INPP4A: variants seen among roughly 807,000 people sequenced by gnomAD.
INPP4A encodes the protein inositol polyphosphate-4-phosphatase, type I, 107kD.
A neutral mutation model predicts 119.8 loss-of-function variants in INPP4A; 33 were observed. The ratio of observed to expected loss-of-function variants is 0.28; its 90% confidence interval spans 0.21 to 0.37. The LOEUF (loss-of-function observed/expected upper bound fraction) is 0.37. Ranked by LOEUF, INPP4A falls within the 10% of genes least tolerant of loss-of-function variation. The probability of loss-of-function intolerance (pLI) is 1.00; values close to 1 mark genes in which losing one functional copy is unlikely to be tolerated. For synonymous variants in INPP4A, 496 were observed against 500.7 expected, an observed-to-expected ratio of 0.99 and a Z score of 0.12; for missense variants, 956 against 1,289.9, an observed-to-expected ratio of 0.74 and a Z score of 3.97.
chr2:98,487,755 A>G (rs1266000256), intron 1 of INPP4A, among the ~76,000 whole-genome samples: 1 of 152,212 alleles, frequency 6.6e-6, no homozygotes, highest in African/African-American at 2.4e-5. Flanking sequence ...CAGAAATGTT[A>G]CCCATTGTTT....
chr2:98,578,031 G>A lies in INPP4A; in HGVS notation c.2786+888G>A, dbSNP rs144076789. On this transcript the variant is annotated intron_variant, in intron 24 of 24. Coordinates refer to ENST00000409851, the MANE Select transcript of INPP4A (RefSeq NM_001134225.2). ...TCTCACAATACTGCACAAAAGCGAC[G>A]CGTGAGCTCCTGCCTCTTGATAAGT... Among the ~76,000 whole-genome samples, 1,356 of 152,246 alleles carry A rather than the reference G, an allele frequency of 8.9e-3. 24 individuals are homozygous for A. Among genetic ancestry groups the A allele is most frequent in the African/African-American group, 0.031 (1,272 of 41,516 alleles).
chr2:98,478,305 G>A (rs1677678262), intron 1 of INPP4A, among the ~76,000 whole-genome samples: 1 of 152,206 alleles, frequency 6.6e-6, no homozygotes, highest in Admixed American at 6.5e-5. Context: ...TGATGAGGGA[G>A]GTGGCCACCA....
At position 98,590,008 on chromosome 2, in the gene INPP4A, CTTTA is replaced by C. The variant is rs1365709249; in HGVS notation, c.*2408_*2411del. ...TGCCAAGCTTAGTGCATTATGATAC[CTTTA>C]TTTATTTGTTTTGGGCAGTATTACT... On this transcript the variant is annotated 3_prime_UTR_variant, in exon 25 of 25. Coordinates refer to ENST00000409851, the MANE Select transcript of INPP4A (RefSeq NM_001134225.2). 3.7e-5 allele frequency: 7 copies of C among 190,574 alleles called. No individual in the cohort carries two copies. The highest frequency in any genetic ancestry group is 7.0e-5 in the African/African-American group (3 of 42,812). 11.8% of individuals were successfully genotyped at this position (190,574 alleles called of 1,614,324 possible). A position where few individuals can be genotyped will look rare whatever the true frequency, so the allele number is the denominator to read the frequency against.
intron 24 of INPP4A, among the ~76,000 whole-genome samples, chr2:98,578,027 C>T (rs1017567360): frequency 4.6e-5 from 7 of 152,142 alleles, no homozygotes; most frequent in Admixed American, 6.5e-5. Flanking sequence ...TGCACAAAAG[C>T]GACGCGTGAG....
At chr2:98,567,886 C>G (rs543479334) in intron 21 of INPP4A, among the ~76,000 whole-genome samples, 3 of 152,118 alleles carry the variant, frequency 2.0e-5, no homozygotes, top group African/African-American at 7.2e-5. Flanking sequence ...GGGATGCTCT[C>G]GGGCCACAGA....
chr2:98,533,913 C>T (rs1298408472), intron 5 of INPP4A, among the ~76,000 whole-genome samples: 1 of 152,126 alleles, frequency 6.6e-6, no homozygotes, highest in Non-Finnish European at 1.5e-5. Context: ...GTTTTTACAG[C>T]CTTTTGAGTT....
rs1692502052 is a variant in INPP4A at position 98,546,446 on chromosome 2, G to A, written c.1055-140G>A. ...CTCCAGCAGACCCTTGGGCAGCCAG[G>A]GCTGTGGGATCAGGGGAACCAAAGG... is the stretch of plus-strand genomic sequence containing the variant. On this transcript the variant is annotated intron_variant, in intron 12 of 24. Transcript: ENST00000409851. The surrounding 1 kb of genome is among the most constrained non-coding windows in gnomAD (Gnocchi z 4.2). The A allele has an allele frequency of 1.6e-6, 1 of 626,872 alleles. No homozygotes were observed. Among genetic ancestry groups the A allele is most frequent in the Non-Finnish European group, 2.8e-6 (1 of 351,374 alleles). The allele number at this position is 626,872 out of a possible 1,614,324, so 38.8% of individuals were successfully genotyped here. A position where few individuals can be genotyped will look rare whatever the true frequency, so the allele number is the denominator to read the frequency against.
rs111786976 is a variant in INPP4A at position 98,564,225 on chromosome 2, G to A, written c.2029-415G>A. The stretch of plus-strand genomic sequence containing the variant: ...TCATCCCATAGAAAATCTCCCACTG[G>A]GGAAACTTTGAGTGACCATGTTGTC... On this transcript the variant is annotated intron_variant, in intron 18 of 24. Coordinates refer to ENST00000409851, the MANE Select transcript of INPP4A (RefSeq NM_001134225.2). 4.8e-3 allele frequency among the ~76,000 whole-genome samples: 728 copies of A among 152,268 alleles called. 6 individuals carry two copies. The highest frequency in any genetic ancestry group is 0.017 in the African/African-American group (697 of 41,548).
At chr2:98,520,753 T>G (rs1687025576) in intron 4 of INPP4A, 22 bp downstream of exon 4, 1 of 1,365,550 alleles carries the variant, frequency 7.3e-7, no homozygotes, top group Non-Finnish European at 1.0e-6. Flanking sequence ...TCATTATTTT[T>G]TTGTTTTAAA....
At position 98,520,142 on chromosome 2, in the gene INPP4A, C is replaced by T; in HGVS notation, c.94C>T (p.Leu32Phe). 6.4e-7 allele frequency: 1 copy of T among 1,557,876 alleles called. No homozygotes were observed. Residue 32 changes from leucine to phenylalanine, a missense_variant, in exon 3 of 25, where the codon CTC becomes TTC. This residue lies in a region of INPP4A where 652 missense variants were observed against 797.9 expected (regional missense o/e 0.82). Coordinates refer to ENST00000409851, the MANE Select transcript of INPP4A (RefSeq NM_001134225.2). ...CGACGTGGCGGCCGACATGCTGGGC[C>T]TCTCTCTGGCAGGTGAGCCTCACAG... ...TIDVAADMLG[L>F]SLAGNIQDPD...
intron 18 of INPP4A, 102 bp downstream of exon 18, chr2:98,563,739 C>T: frequency 8.6e-7 from 1 of 1,157,304 alleles, no homozygotes; most frequent in Non-Finnish European, 1.2e-6. Flanking sequence ...TAAAAGACCC[C>T]AGATGGCCAT....
intron 1 of INPP4A, among the ~76,000 whole-genome samples, chr2:98,471,572 T>G (rs1053562462): frequency 6.6e-6 from 1 of 152,216 alleles, no homozygotes; most frequent in Non-Finnish European, 1.5e-5. Flanking sequence ...TCTCACAGGC[T>G]GCAGCCTCAG....
At chr2:98,576,655 T>G (rs1044468863) in intron 23 of INPP4A, among the ~76,000 whole-genome samples, 20 of 152,242 alleles carry the variant, frequency 1.3e-4, no homozygotes, top group Admixed American at 9.8e-4. Flanking sequence ...CTGAACGTGA[T>G]AAGAGGGCCC....
At chr2:98,512,511 G>A (rs891694228) in intron 1 of INPP4A, among the ~76,000 whole-genome samples, 7 of 152,192 alleles carry the variant, frequency 4.6e-5, no homozygotes, top group African/African-American at 1.7e-4. Context: ...CTGGAGCATG[G>A]TGCCCGCATC....
intron 1 of INPP4A, among the ~76,000 whole-genome samples, chr2:98,469,948 T>C (rs1474474940): frequency 6.6e-6 from 1 of 152,182 alleles, no homozygotes; most frequent in Non-Finnish European, 1.5e-5. Flanking sequence ...GAAGGTGAAC[T>C]GTGATGTGCA....
chr2:98,554,611 G>C lies in INPP4A; in HGVS notation c.1566+122G>C. The C allele has an allele frequency of 1.2e-6, 1 of 848,442 alleles. No homozygotes were observed. The highest frequency in any genetic ancestry group is 1.9e-6 in the Non-Finnish European group (1 of 537,038). The allele number at this position is 848,442 out of a possible 1,614,324, so 52.6% of individuals were successfully genotyped here. On this transcript the variant is annotated intron_variant, in intron 15 of 24. Transcript: ENST00000409851. This position sits in a 1 kb window ranked among gnomAD's most constrained non-coding sequence, Gnocchi z 4.7. Reference sequence around the variant, plus strand: ...TTCAACTGCTGTGAACAAGCTCCAGGTTTCCTTCCTGGATGGCTCCTTGGC... The same window carrying C: ...TTCAACTGCTGTGAACAAGCTCCAGCTTTCCTTCCTGGATGGCTCCTTGGC...
Position 98,588,481 on chromosome 2 carries a change from C to T in INPP4A, c.*873C>T, listed in dbSNP as rs1162033147. On this transcript the variant is annotated 3_prime_UTR_variant, in exon 25 of 25. Transcript: ENST00000409851. ...TTTATGACCATAGAGATAGTAGAAA[C>T]CTAAATATTTTCAGAAAAAAAATTT... 4.7e-6 allele frequency: 1 copy of T among 211,036 alleles called. No homozygotes were observed. The highest frequency in any genetic ancestry group is 9.6e-6 in the Non-Finnish European group (1 of 104,358). 13.1% of individuals were successfully genotyped at this position (211,036 alleles called of 1,614,324 possible). A position where few individuals can be genotyped will look rare whatever the true frequency, so the allele number is the denominator to read the frequency against.
chr2:98,452,107 C>T (rs1263573328), intron 1 of INPP4A, among the ~76,000 whole-genome samples: 1 of 152,170 alleles, frequency 6.6e-6, no homozygotes, highest in African/African-American at 2.4e-5. Flanking sequence ...TGCGTGCTTC[C>T]TTGTTCCTGT....
At chr2:98,450,971 A>G (rs541171770) in intron 1 of INPP4A, among the ~76,000 whole-genome samples, 1 of 152,156 alleles carries the variant, frequency 6.6e-6, no homozygotes, top group Admixed American at 6.5e-5. Context: ...GGGTTTCACC[A>G]TGTTGGCCAG....
Sources: allele counts gnomAD v4.1 joint callset (sites outside exome capture counted in the v4.1 genomes callset), GRCh38; gene constraint gnomAD v4.1.1; regional missense constraint gnomAD v4.1.1; non-coding constraint Gnocchi (gnomAD v3.1); transcripts MANE v1.5; gene names NCBI Gene and HGNC (gene_info 2026-07-23, HGNC 2026-07-21).